Variants in USP43 observed in about 807,000 individuals in gnomAD.
USP43 encodes the protein ubiquitin specific peptidase 43.
USP43 carries 33 observed loss-of-function variants against 90.7 expected under a neutral mutation model. The observed-to-expected ratio is 0.36, with a 90% CI of 0.28 to 0.49. The LOEUF is 0.49. Among genes scored for constraint, USP43 ranks in the 20% least tolerant of loss-of-function variants. The probability of loss-of-function intolerance (pLI) is 0.98; values close to 1 mark genes in which losing one functional copy is unlikely to be tolerated. For synonymous variants in USP43, 598 were observed against 615.8 expected (o/e 0.97, Z 0.43); for missense variants, 1,274 against 1,476.4 (o/e 0.86, Z 2.25).
intron 8 of USP43, among the ~76,000 whole-genome samples, chr17:9,690,383 T>C (rs1245967649): frequency 6.6e-6 from 1 of 152,210 alleles, no homozygotes; most frequent in Non-Finnish European, 1.5e-5. Context: ...CTATTTCTTT[T>C]ATTTGAATGA....
At position 9,676,809 on chromosome 17, in the gene USP43, C is replaced by T. The variant is rs910552121; in HGVS notation, c.897C>T (p.Ala299=). 3.9e-5 allele frequency: 63 copies of T among 1,613,830 alleles called. No individual in the cohort carries two copies. The highest frequency in any genetic ancestry group is 3.3e-4 in the Middle Eastern group (2 of 6,084). ...AGCGGTTCCTGCGGGTTGGCCTGGC[C>T]GTGCCGATCCTCAGCACAGTGGCAG... The part of the protein sequence containing the change: ...KSQRFLRVGL[A]VPILSTVAAL... Residue 299 remains alanine (A), a synonymous_variant, in exon 5 of 15, where the codon GCC becomes GCT. Transcript: ENST00000285199.
rs267605113 is a variant in USP43, at chr17:9,712,096, C to T, written c.2299C>T (p.Pro767Ser). ...CTCCCTGCCCCAGGTTCCTGACTCT[C>T]CCATCTTCACCAACAGCCTCTGCAA... ...CPSLPQVPDSPIFTNSLCNQE... is the reference protein window; with the variant it reads ...CPSLPQVPDSSIFTNSLCNQE... The change falls in exon 14 of 15, where the codon CCC (proline) becomes TCC (serine). Residue 767 changes from proline (P) to serine (S), a missense_variant. Physicochemically the swap from Pro to Ser is moderately conservative, Grantham distance 74. Transcript: ENST00000285199. 6.2e-7 allele frequency: 1 copy of T among 1,606,336 alleles called. No individual in the cohort carries two copies. The highest frequency in any genetic ancestry group is 1.3e-5 in the African/African-American group (1 of 74,682).
chr17:9,720,984 A>T (rs1186683762), intron 14 of USP43, among the ~76,000 whole-genome samples: 1 of 152,220 alleles, frequency 6.6e-6, no homozygotes, highest in Non-Finnish European at 1.5e-5. Context: ...AGCCCTGGTT[A>T]TGATCATCAT....
chr17:9,684,885 C>T (rs1914511059), intron 7 of USP43, among the ~76,000 whole-genome samples: 1 of 151,924 alleles, frequency 6.6e-6, no homozygotes, highest in African/African-American at 2.4e-5. Context: ...TGATAATACT[C>T]ATTCTGGGCC....
At position 9,709,727 on chromosome 17, in the gene USP43, A is replaced by T. The variant is rs562061734; in HGVS notation, c.2012-229A>T. Among the ~76,000 whole-genome samples the T allele has an allele frequency of 5.9e-4, 90 of 152,210 alleles. No individual in the cohort carries two copies. Among genetic ancestry groups the T allele is most frequent in the Admixed American group, 1.2e-3 (18 of 15,270 alleles). ...CGAAACTCCGTCTCAAAAATAAATAAAAATAAATAAATAAATAAAAATAAT... is the reference window on the plus strand; with the variant it reads ...CGAAACTCCGTCTCAAAAATAAATATAAATAAATAAATAAATAAAAATAAT... On this transcript the variant is annotated intron_variant, in intron 12 of 14. Coordinates refer to ENST00000285199, the MANE Select transcript of USP43 (RefSeq NM_153210.5). This position sits in a 1 kb window ranked among gnomAD's most constrained non-coding sequence, Gnocchi z 5.0.
Position 9,674,605 on chromosome 17 carries a change from T to C in USP43, c.741-286T>C, listed in dbSNP as rs992057758. Among the ~76,000 whole-genome samples the C allele has an allele frequency of 6.6e-6, 1 of 152,218 alleles. No homozygotes were observed. The highest frequency in any genetic ancestry group is 2.4e-5 in the African/African-American group (1 of 41,464). On this transcript the variant is annotated intron_variant, in intron 3 of 14. Coordinates refer to ENST00000285199, the MANE Select transcript of USP43 (RefSeq NM_153210.5). This position sits in a 1 kb window ranked among gnomAD's most constrained non-coding sequence, Gnocchi z 4.4. ...CGTTGTAGTATGGACCAGGGGTTCA[T>C]TCCTTTCTATGGCTGAGTTGTACTC...
In USP43 at chr17:9,680,268, G is replaced by A. The variant is rs927663097; in HGVS notation, c.1007G>A (p.Arg336Gln). 7.4e-6 allele frequency: 12 copies of A among 1,613,586 alleles called. No individual in the cohort carries two copies. Among genetic ancestry groups the A allele is most frequent in the Middle Eastern group, 1.6e-4 (1 of 6,082 alleles). Residue 336 changes from arginine (R) to glutamine (Q), a missense_variant, in exon 6 of 15, where the codon CGG (arginine) becomes CAG (glutamine). Arg to Gln is a conservative substitution (Grantham distance 43, BLOSUM62 1). This residue lies in a region of USP43 where 259 missense variants were observed against 373.7 expected (regional missense o/e 0.69). Coordinates refer to ENST00000285199, the MANE Select transcript of USP43 (RefSeq NM_153210.5). ...GAACTGTATCCCAGTGGATTCCAGC[G>A]GTCTTTCTTTGATGAAGAGGACCTG... ...LVELYPSGFQ[R>Q]SFFDEEDLNT...
At chr17:9,725,167 A>G (rs1917196349) in intron 14 of USP43, among the ~76,000 whole-genome samples, 1 of 152,172 alleles carries the variant, frequency 6.6e-6, no homozygotes, top group African/African-American at 2.4e-5. Flanking sequence ...CACTGGTGCC[A>G]TCTGCATGGA....
intron 1 of USP43, among the ~76,000 whole-genome samples, chr17:9,653,050 T>C (rs370505210): frequency 1.3e-5 from 2 of 152,238 alleles, no homozygotes; most frequent in East Asian, 1.9e-4. Flanking sequence ...CAGATAACTT[T>C]GATATATACA....
chr17:9,682,477 G>A (rs1313546339), intron 6 of USP43, among the ~76,000 whole-genome samples: 1 of 152,170 alleles, frequency 6.6e-6, no homozygotes, highest in Non-Finnish European at 1.5e-5. Flanking sequence ...GGCTGAGACA[G>A]GAGAATCATT....
At chr17:9,715,699 C>A (rs111067489) in intron 14 of USP43, among the ~76,000 whole-genome samples, 2,918 of 99,494 alleles carry the variant, frequency 0.029, 97 homozygotes, top group African/African-American at 0.16. Context: ...GTGTGTGTGT[C>A]TGTGTGTGTC....
At chr17:9,651,084 A>G (rs113435975) in intron 1 of USP43, among the ~76,000 whole-genome samples, 2 of 151,874 alleles carry the variant, frequency 1.3e-5, no homozygotes, top group South Asian at 2.1e-4. Context: ...ATAGTTTTTT[A>G]TTTTTATTTC....
intron 14 of USP43, among the ~76,000 whole-genome samples, chr17:9,720,750 A>G (rs1322037423): frequency 6.6e-6 from 1 of 152,030 alleles, no homozygotes; most frequent in Non-Finnish European, 1.5e-5. Flanking sequence ...GGCCTCCCAC[A>G]GTGCTGGGAT....
In USP43 at chr17:9,682,811, T is replaced by C; in HGVS notation, c.1106-12T>C. 6.2e-7 allele frequency: 1 copy of C among 1,612,882 alleles called. No individual in the cohort carries two copies. The highest frequency in any genetic ancestry group is 1.1e-5 in the South Asian group (1 of 91,002). ...TTAGGAATATGAACAAATGTCATTCTCTCCCTTCTAGCTCATCCACTGGGT... is the reference window on the plus strand; with the variant it reads ...TTAGGAATATGAACAAATGTCATTCCCTCCCTTCTAGCTCATCCACTGGGT... On this transcript the variant is annotated splice_polypyrimidine_tract_variant and intron_variant, in intron 6 of 14. Coordinates refer to ENST00000285199, the MANE Select transcript of USP43 (RefSeq NM_153210.5).
chr17:9,699,285 G>GC (rs1915435800), intron 9 of USP43, among the ~76,000 whole-genome samples: 2 of 151,948 alleles, frequency 1.3e-5, no homozygotes. Flanking sequence ...AGCAATCAGT[G>GC]TTTTTCCCAA....
rs143590092 is a variant in USP43 at position 9,698,704 on chromosome 17, T to A, written c.1458-1468T>A. ...CTCTTTCTTTCTGGGACCTAAGGAG[T>A]TTTGTACAATAAACTTGGAGCATGA... is the stretch of plus-strand genomic sequence containing the variant. On this transcript the variant is annotated intron_variant, in intron 9 of 14. Coordinates refer to ENST00000285199, the MANE Select transcript of USP43 (RefSeq NM_153210.5). 5.4e-3 allele frequency among the ~76,000 whole-genome samples: 817 copies of A among 152,140 alleles called. 3 individuals carry two copies. The highest frequency in any genetic ancestry group is 8.6e-3 in the Non-Finnish European group (583 of 68,000).
chr17:9,673,448 G>T (rs995952230), intron 3 of USP43, among the ~76,000 whole-genome samples: 4 of 152,188 alleles, frequency 2.6e-5, no homozygotes, highest in African/African-American at 9.7e-5. Flanking sequence ...GGCAGAGGTT[G>T]CAGTGAGTCG....
intron 12 of USP43, among the ~76,000 whole-genome samples, chr17:9,704,554 T>C (rs1239406590): frequency 6.6e-6 from 1 of 152,176 alleles, no homozygotes; most frequent in East Asian, 1.9e-4. Context: ...TGGCCTCAAA[T>C]GATCTGCCTT....
At chr17:9,667,856 T>G (rs773908354) in intron 3 of USP43, among the ~76,000 whole-genome samples, 1 of 152,200 alleles carries the variant, frequency 6.6e-6, no homozygotes, top group Non-Finnish European at 1.5e-5. Context: ...TATATGTGTG[T>G]GTGTGTCTAT....
Sources: gnomAD v4.1 joint callset for allele counts (sites outside exome capture counted in the v4.1 genomes callset) on GRCh38, gnomAD v4.1.1 for gene constraint, gnomAD v4.1.1 regional missense constraint, Gnocchi (gnomAD v3.1) non-coding constraint, MANE v1.5 for transcripts, NCBI Gene and HGNC (gene_info 2026-07-23, HGNC 2026-07-21) for gene names.